The following REV3L variants were observed in gnomAD, a reference collection of about 807,000 sequenced individuals.
The protein encoded by REV3L is REV3 like, DNA directed polymerase zeta catalytic subunit.
Under a neutral mutation model 299.4 loss-of-function variants are expected in REV3L, and 69 were observed. The ratio of observed to expected loss-of-function variants is 0.23; its 90% confidence interval spans 0.19 to 0.28. The LOEUF is 0.28. Ranked by LOEUF, REV3L falls within the 10% of genes least tolerant of loss-of-function variation. The pLI, the probability that REV3L is intolerant of heterozygous loss-of-function variation, is 1.00. For synonymous variants in REV3L, 1,238 were observed against 1,271.4 expected, an observed-to-expected ratio of 0.97 and a Z score of 0.56; for missense variants, 3,128 against 3,693.8, an observed-to-expected ratio of 0.85 and a Z score of 3.97.
At chr6:111,368,541 C>T (rs1779453994) in intron 13 of REV3L, among the ~76,000 whole-genome samples, 1 of 152,022 alleles carries the variant, frequency 6.6e-6, no homozygotes. Flanking sequence ...AAAAAAAATA[C>T]CAACTGAGGT....
rs189871614 is a variant in REV3L at position 111,329,854 on chromosome 6, A to T, written c.8035-116T>A. 3 of 746,102 alleles carry T rather than the reference A, an allele frequency of 4.0e-6. No individual in the cohort carries two copies. In the Admixed American group the frequency reaches 7.0e-5, roughly 17 times the overall value. The allele number at this position is 746,102 out of a possible 1,614,324, so 46.2% of individuals were successfully genotyped here. On this transcript the variant is annotated intron_variant, in intron 24 of 31. Coordinates refer to ENST00000368802, the MANE Select transcript of REV3L (RefSeq NM_001372078.1). ...TGTCAGGAATTGAAACATGCTAACA[A>T]CAGAGTGACCATAGTATTAGTGGCC...
At chr6:111,416,502 T>C in intron 1 of REV3L, 30 bp from the exon 2 acceptor site, 1 of 1,541,544 alleles carries the variant, frequency 6.5e-7, no homozygotes, top group Non-Finnish European at 8.9e-7. Context: ...AAAGTTTAGT[T>C]TCCAGACACA....
intron 31 of REV3L, among the ~76,000 whole-genome samples, chr6:111,302,231 A>G (rs1771642383): frequency 5.3e-5 from 8 of 152,208 alleles, no homozygotes; most frequent in Admixed American, 5.2e-4. Context: ...CTGTTCTATG[A>G]TGAAGCCTTT....
At chr6:111,346,022 T>C (rs1231391735) in intron 20 of REV3L, among the ~76,000 whole-genome samples, 1 of 152,174 alleles carries the variant, frequency 6.6e-6, no homozygotes, top group Non-Finnish European at 1.5e-5. Context: ...CTAAGAACAG[T>C]AATTCCTATT....
intron 1 of REV3L, among the ~76,000 whole-genome samples, chr6:111,470,001 T>C (rs1022773950): frequency 2.0e-5 from 3 of 152,222 alleles, no homozygotes; most frequent in Non-Finnish European, 2.9e-5. Flanking sequence ...ACATACTATT[T>C]AATTACACTG....
At chr6:111,427,591 C>T (rs1390402615) in intron 1 of REV3L, among the ~76,000 whole-genome samples, 2 of 152,156 alleles carry the variant, frequency 1.3e-5, no homozygotes, top group Admixed American at 6.5e-5. Flanking sequence ...CAAAAGAAAG[C>T]AAATTAGACT....
At chr6:111,371,308 T>C (rs1322423277) in intron 13 of REV3L, among the ~76,000 whole-genome samples, 1 of 152,224 alleles carries the variant, frequency 6.6e-6, no homozygotes, top group Non-Finnish European at 1.5e-5. Flanking sequence ...ACTTAACTAC[T>C]GATAAATAAA....
chr6:111,420,030 A>T (rs1301295490), intron 1 of REV3L, among the ~76,000 whole-genome samples: 1 of 152,046 alleles, frequency 6.6e-6, no homozygotes. Flanking sequence ...ATTTTTTAGT[A>T]GAGACGGGGT....
chr6:111,398,694 C>T lies in REV3L; in HGVS notation c.566-5722G>A, dbSNP rs190892655. Reference sequence around the variant, plus strand: ...TACATGTAATACATATATTTACTTACAAGAAGTTTACTGTCAAGTTAAACT... The same window carrying T: ...TACATGTAATACATATATTTACTTATAAGAAGTTTACTGTCAAGTTAAACT... On this transcript the variant is annotated intron_variant, in intron 4 of 31. Coordinates refer to ENST00000368802, the MANE Select transcript of REV3L (RefSeq NM_001372078.1). 1.6e-4 allele frequency among the ~76,000 whole-genome samples: 24 copies of T among 151,968 alleles called. 1 individual carries two copies. The highest frequency in any genetic ancestry group is 1.2e-3 in the East Asian group (6 of 5,174).
At chr6:111,420,046 C>T (rs188508634) in intron 1 of REV3L, among the ~76,000 whole-genome samples, 62 of 152,198 alleles carry the variant, frequency 4.1e-4, no homozygotes, top group African/African-American at 1.5e-3. Flanking sequence ...GGGGTTTCAC[C>T]GTGTTAATCA....
rs1793985278 is a variant in REV3L, at chr6:111,483,176, C to T, written c.-288G>A. On this transcript the variant is annotated 5_prime_UTR_variant, in exon 1 of 32. Coordinates refer to ENST00000368802, the MANE Select transcript of REV3L (RefSeq NM_001372078.1). ...ACCGCCGGGAATCACACGGGCTCCT[C>T]GGTCCCAGGCTGCAGCTCTTGTTGC... The T allele has an allele frequency of 2.1e-6, 1 of 485,178 alleles. No homozygotes were observed. The highest frequency in any genetic ancestry group is 3.6e-6 in the Non-Finnish European group (1 of 279,686). 30.1% of individuals were successfully genotyped at this position (485,178 alleles called of 1,614,324 possible).
chr6:111,403,262 A>G (rs1783271838), intron 4 of REV3L, among the ~76,000 whole-genome samples: 1 of 152,214 alleles, frequency 6.6e-6, no homozygotes, highest in African/African-American at 2.4e-5. Flanking sequence ...TGACTGCTAC[A>G]GGTCATAGGA....
intron 10 of REV3L, among the ~76,000 whole-genome samples, chr6:111,380,961 T>G (rs1182262675): frequency 6.6e-6 from 1 of 152,232 alleles, no homozygotes; most frequent in East Asian, 1.9e-4. Flanking sequence ...TAGCCACCCG[T>G]GTTTCCTCCG....
In REV3L at chr6:111,373,306, C is replaced by T. The variant is rs374206208; in HGVS notation, c.5049G>A (p.Gln1683=). 5.0e-5 allele frequency: 81 copies of T among 1,613,918 alleles called. No individual in the cohort carries two copies. The highest frequency in any genetic ancestry group is 6.4e-5 in the Non-Finnish European group (75 of 1,180,000). The change falls in exon 13 of 32, where the codon CAG becomes CAA. Residue 1683 remains glutamine (Q), a synonymous_variant. Transcript: ENST00000368802. The part of the protein sequence containing the change: ...LPQKFLSDAV[Q]DLFPGQAIEK... The stretch of plus-strand genomic sequence containing the variant: ...CTATAGCTTGTCCTGGAAAAAGATC[C>T]TGAACAGCATCACTTAGGAACTTCT...
At position 111,383,157 on chromosome 6, in the gene REV3L, A is replaced by G. The variant is rs908526161; in HGVS notation, c.1097-1713T>C. ...CAGGGACATGCTGACTTCAGGTGTG[A>G]CCCAGTGCATTCACAGCACTGGGAA... On this transcript the variant is annotated intron_variant, in intron 9 of 31. Coordinates refer to ENST00000368802, the MANE Select transcript of REV3L (RefSeq NM_001372078.1). 5.9e-5 allele frequency among the ~76,000 whole-genome samples: 9 copies of G among 152,278 alleles called. No individual in the cohort carries two copies. The East Asian group carries it at 1.7e-3, about 29-fold the overall frequency.
chr6:111,369,136 A>T (rs1434932711), intron 13 of REV3L, among the ~76,000 whole-genome samples: 2 of 152,116 alleles, frequency 1.3e-5, no homozygotes, highest in South Asian at 4.1e-4. Flanking sequence ...AGGATAGAGA[A>T]GTCATAATGA....
intron 1 of REV3L, among the ~76,000 whole-genome samples, chr6:111,438,896 A>G (rs1270514169): frequency 6.6e-6 from 1 of 151,706 alleles, no homozygotes; most frequent in East Asian, 1.9e-4. Context: ...ACCAGAAGTC[A>G]GTGGAGCAAC....
chr6:111,431,842 C>T (rs576828681), intron 1 of REV3L: 28 of 529,134 alleles, frequency 5.3e-5, no homozygotes, highest in South Asian at 4.2e-4. Context: ...AACTTAGAAA[C>T]GCTTTTTAGA....
intron 4 of REV3L, among the ~76,000 whole-genome samples, chr6:111,401,352 A>G (rs1309485550): frequency 2.0e-5 from 3 of 152,186 alleles, no homozygotes; most frequent in Admixed American, 2.0e-4. Flanking sequence ...CCTTTCAGTC[A>G]TTATGGAGAA....
Sources: gnomAD v4.1 joint callset for allele counts (sites outside exome capture counted in the v4.1 genomes callset) on GRCh38, gnomAD v4.1.1 for gene constraint, MANE v1.5 for transcripts, NCBI Gene and HGNC (gene_info 2026-07-23, HGNC 2026-07-21) for gene names.